Variants in OR6N1 observed in about 807,000 individuals in gnomAD.
OR6N1 encodes the protein olfactory receptor 6N1.
For missense variants in OR6N1, 394 were observed against 371.7 expected, an observed-to-expected ratio of 1.06 and a Z score of -0.49; for synonymous variants, 170 against 150.7, an observed-to-expected ratio of 1.13 and a Z score of -0.94.
chr1:158,835,874 A>C, the OR6N1 span, among the ~76,000 whole-genome samples: 2 of 151,866 alleles, frequency 1.3e-5, no homozygotes, highest in African/African-American at 4.8e-5. Context: ...TATTTTTTGC[A>C]TCAATTGAGA....
At chr1:158,781,103 C>T in the OR6N1 span, 1 of 152,146 alleles carries the variant, frequency 6.6e-6, no homozygotes, top group Non-Finnish European at 1.5e-5. Context: ...TTTTCAAATC[C>T]CTTATTATCA....
chr1:158,778,729 A>AT, the OR6N1 span, among the ~76,000 whole-genome samples: 1 of 152,124 alleles, frequency 6.6e-6, no homozygotes, highest in African/African-American at 2.4e-5. Flanking sequence ...AAGAATGCAG[A>AT]TTCGGCCGGG....
the OR6N1 span, among the ~76,000 whole-genome samples, chr1:158,812,537 G>A: frequency 6.6e-5 from 10 of 152,214 alleles, no homozygotes; most frequent in African/African-American, 2.4e-4. Context: ...GGTTTAGCAA[G>A]AGAGACAACT....
At chr1:158,816,013 C>G in the OR6N1 span, among the ~76,000 whole-genome samples, 2 of 152,000 alleles carry the variant, frequency 1.3e-5, no homozygotes, top group Non-Finnish European at 2.9e-5. Flanking sequence ...AAAAAATTAG[C>G]TGGGTATGGT....
chr1:158,779,515 T>C, the OR6N1 span, among the ~76,000 whole-genome samples: 1 of 152,370 alleles, frequency 6.6e-6, no homozygotes, highest in East Asian at 1.9e-4. Context: ...GAACATTTCT[T>C]TCAAACTCAA....
chr1:158,822,338 G>A, the OR6N1 span, among the ~76,000 whole-genome samples: 1 of 152,160 alleles, frequency 6.6e-6, no homozygotes, highest in Admixed American at 6.5e-5. Flanking sequence ...CCATGAGCAT[G>A]AAATGTTTTT....
At chr1:158,808,130 T>A in the OR6N1 span, among the ~76,000 whole-genome samples, 2 of 110,396 alleles carry the variant, frequency 1.8e-5, no homozygotes, top group Non-Finnish European at 3.4e-5. Flanking sequence ...CCTTTTTTTT[T>A]TTTTTTTTTT....
the OR6N1 span, among the ~76,000 whole-genome samples, chr1:158,792,228 A>G: frequency 6.6e-6 from 1 of 152,082 alleles, no homozygotes. Context: ...TCTCCCTTTT[A>G]GTTTCCCTTT....
At chr1:158,825,777 A>C in the OR6N1 span, among the ~76,000 whole-genome samples, 3 of 152,322 alleles carry the variant, frequency 2.0e-5, no homozygotes, top group East Asian at 3.9e-4. Flanking sequence ...ATTATTGGGT[A>C]CATACCCAAA....
At chr1:158,792,463 A>C in the OR6N1 span, among the ~76,000 whole-genome samples, 2 of 152,048 alleles carry the variant, frequency 1.3e-5, no homozygotes, top group Non-Finnish European at 2.9e-5. Context: ...TGTTTTCTTC[A>C]CTGTGTTATT....
At chr1:158,773,841 G>C (rs1657487338), upstream of OR6N1, among the ~76,000 whole-genome samples, 1 of 152,186 alleles carries the variant, frequency 6.6e-6, no homozygotes, top group Non-Finnish European at 1.5e-5. Flanking sequence ...GTTTTTGTGT[G>C]TGTATATATA....
At chr1:158,800,555 T>C in the OR6N1 span, among the ~76,000 whole-genome samples, 1 of 152,158 alleles carries the variant, frequency 6.6e-6, no homozygotes, top group South Asian at 2.1e-4. Context: ...CTTATCCACA[T>C]TTAATAGGTG....
At chr1:158,804,466 C>T in the OR6N1 span, among the ~76,000 whole-genome samples, 4 of 152,122 alleles carry the variant, frequency 2.6e-5, no homozygotes, top group Non-Finnish European at 5.9e-5. Flanking sequence ...CTTCATCAAG[C>T]AATTCATTAT....
chr1:158,838,164 T>A, the OR6N1 span, among the ~76,000 whole-genome samples: 1 of 151,988 alleles, frequency 6.6e-6, no homozygotes, highest in Non-Finnish European at 1.5e-5. Flanking sequence ...ATGTATATAC[T>A]TACCTTTCAT....
At chr1:158,834,068 C>T in the OR6N1 span, among the ~76,000 whole-genome samples, 4 of 151,766 alleles carry the variant, frequency 2.6e-5, no homozygotes, top group East Asian at 1.9e-4. Context: ...CTAGGAGCTC[C>T]GATGTTTTGT....
the OR6N1 span, among the ~76,000 whole-genome samples, chr1:158,835,888 T>C: frequency 4.0e-5 from 6 of 151,880 alleles, no homozygotes; most frequent in Non-Finnish European, 5.9e-5. Context: ...ATTGAGATGA[T>C]CATTTTTTTT....
the OR6N1 span, among the ~76,000 whole-genome samples, chr1:158,804,117 G>A: frequency 2.6e-5 from 4 of 152,330 alleles, no homozygotes; most frequent in East Asian, 7.7e-4. Context: ...TTAAGAGGGA[G>A]ATAGGAAAAT....
chr1:158,812,363 A>G, the OR6N1 span, among the ~76,000 whole-genome samples: 1 of 152,264 alleles, frequency 6.6e-6, no homozygotes, highest in Non-Finnish European at 1.5e-5. Flanking sequence ...ATGAAGAGAT[A>G]AAAGTGGAAG....
the OR6N1 span, chr1:158,777,464 G>A: frequency 6.2e-7 from 1 of 1,614,200 alleles, no homozygotes; most frequent in Non-Finnish European, 8.5e-7. Context: ...TGGTACATAG[G>A]TGTGTGCAGA....
Sources: gnomAD v4.1 joint callset for allele counts (sites outside exome capture counted in the v4.1 genomes callset) on GRCh38, gnomAD v4.1.1 for gene constraint, MANE v1.5 for transcripts, NCBI Gene and HGNC (gene_info 2026-07-23, HGNC 2026-07-21) for gene names.